The following PTPRU variants were observed in gnomAD, a reference collection of about 807,000 sequenced individuals.
PTPRU encodes protein tyrosine phosphatase receptor type U.
In PTPRU, 69 loss-of-function variants were observed where a neutral mutation model predicts 166.3. The observed-to-expected ratio is 0.41, with a 90% CI of 0.34 to 0.51. The LOEUF is 0.51. PTPRU is among the 20% of genes least tolerant of loss of function. The probability of loss-of-function intolerance (pLI) is 0.09; values close to 1 mark genes in which losing one functional copy is unlikely to be tolerated. For missense variants in PTPRU, 1,657 were observed against 2,013.7 expected (o/e 0.82, Z 3.39); for synonymous variants, 793 against 814.0 (o/e 0.97, Z 0.44).
At chr1:29,323,174 TG>T (rs1688239296) in intron 26 of PTPRU, 196 bp from the exon 27 acceptor site, 1 of 648,596 alleles carries the variant, frequency 1.5e-6, no homozygotes, top group Non-Finnish European at 2.6e-6. Context: ...CAGAACGCAT[TG>T]GGGCAGGTGG....
chr1:29,265,211 C>T (rs1248267133), intron 7 of PTPRU, among the ~76,000 whole-genome samples: 1 of 152,204 alleles, frequency 6.6e-6, no homozygotes, highest in Non-Finnish European at 1.5e-5. Context: ...CTCTCACCAA[C>T]AACGTATGAG....
At chr1:29,240,432 G>T (rs969905229) in intron 1 of PTPRU, among the ~76,000 whole-genome samples, 11 of 152,110 alleles carry the variant, frequency 7.2e-5, no homozygotes, top group Admixed American at 6.5e-4. Flanking sequence ...AAGTTTAAGG[G>T]GGCCAGGTTC....
chr1:29,283,923 C>T lies in PTPRU; in HGVS notation c.2143-17C>T, dbSNP rs1686220216. 6.2e-7 allele frequency: 1 copy of T among 1,614,032 alleles called. No homozygotes were observed. Among genetic ancestry groups the T allele is most frequent in the Middle Eastern group, 1.7e-4 (1 of 6,026 alleles). On this transcript the variant is annotated splice_polypyrimidine_tract_variant and intron_variant, in intron 12 of 29. Transcript: ENST00000373779. ...TCGGGGCTTCAGCAACGCTGAGACC[C>T]CCATCTGTGCCTCCAGGAGACCCGG...
chr1:29,259,600 T>TTTTTTGGGGGGGGGGGGGGGGG, intron 5 of PTPRU, 36 bp downstream of exon 5: 13 of 253,368 alleles, frequency 5.1e-5, no homozygotes, highest in Non-Finnish European at 8.4e-5. Flanking sequence ...GGGGGCGGGG[T>TTTTTTGGGGGGGGGGGGGGGGG]GGGAGGGGGT....
chr1:29,269,223 T>C (rs1365865771), intron 7 of PTPRU, among the ~76,000 whole-genome samples: 11 of 38,808 alleles, frequency 2.8e-4, no homozygotes, highest in African/African-American at 8.3e-4. Context: ...TATATACATA[T>C]ATATATATAT....
At chr1:29,313,914 C>A (rs1687780274) in intron 22 of PTPRU, among the ~76,000 whole-genome samples, 1 of 152,264 alleles carries the variant, frequency 6.6e-6, no homozygotes, top group East Asian at 1.9e-4. Context: ...TTCCCAGAAG[C>A]CCCCTTGAAC....
At chr1:29,267,295 C>T (rs1217669354) in intron 7 of PTPRU, among the ~76,000 whole-genome samples, 1 of 152,166 alleles carries the variant, frequency 6.6e-6, no homozygotes, top group East Asian at 1.9e-4. Context: ...GAAGGGCCAA[C>T]TATGGGACTT....
chr1:29,258,984 G>C (rs1684898056), intron 3 of PTPRU, among the ~76,000 whole-genome samples: 1 of 152,196 alleles, frequency 6.6e-6, no homozygotes, highest in African/African-American at 2.4e-5. Flanking sequence ...CTCTGGCCCA[G>C]GTCAAGGGTG....
At chr1:29,305,237 A>T in intron 17 of PTPRU, 115 bp from the exon 18 acceptor site, 1 of 967,370 alleles carries the variant, frequency 1.0e-6, no homozygotes, top group Non-Finnish European at 1.6e-6. Context: ...CTGAGACTCT[A>T]GGTTCCCTGG....
chr1:29,268,174 A>T (rs1196321152), intron 7 of PTPRU, among the ~76,000 whole-genome samples: 1 of 152,154 alleles, frequency 6.6e-6, no homozygotes, highest in Non-Finnish European at 1.5e-5. Flanking sequence ...TCAAGTGGAG[A>T]TATTCATCAG....
rs1687650725 is a variant in PTPRU, at chr1:29,311,440, C to T, written c.2858-16C>T. ...ACCTTGTCTCAGGGACAGGCACCCT[C>T]TGCCTGCATCCCCAGGGCCGAAGCC... is the stretch of plus-strand genomic sequence containing the variant. On this transcript the variant is annotated splice_polypyrimidine_tract_variant and intron_variant, in intron 19 of 29. Coordinates refer to ENST00000373779, the MANE Select transcript of PTPRU (RefSeq NM_133178.4). The surrounding 1 kb of genome is among the most constrained non-coding windows in gnomAD (Gnocchi z 4.1). 3 of 1,611,806 alleles carry T rather than the reference C, an allele frequency of 1.9e-6. No individual in the cohort carries two copies. Among genetic ancestry groups the T allele is most frequent in the Admixed American group, 1.7e-5 (1 of 60,020 alleles).
intron 15 of PTPRU, among the ~76,000 whole-genome samples, chr1:29,301,058 G>C (rs1041107567): frequency 6.6e-6 from 1 of 152,130 alleles, no homozygotes; most frequent in Non-Finnish European, 1.5e-5. Flanking sequence ...CACAGGGAGT[G>C]GGGGCAGGTT....
Position 29,310,778 on chromosome 1 carries a change from A to C in PTPRU, c.2855A>C (p.Gln952Pro). 6.2e-7 allele frequency: 1 copy of C among 1,613,800 alleles called. No individual in the cohort carries two copies. The highest frequency in any genetic ancestry group is 8.5e-7 in the Non-Finnish European group (1 of 1,179,786). Residue 952 changes from glutamine to proline, a missense_variant and splice_region_variant, in exon 19 of 30, where the codon CAA (glutamine) becomes CCA (proline). Transcript: ENST00000373779. ...AGGTCAAACCACTTCATAGCCACTC[A>C]AGGTACCTGGCACTTCTGCCCACAT... ...YHRSNHFIAT[Q>P]GPKPEMVYDF...
intron 14 of PTPRU, among the ~76,000 whole-genome samples, chr1:29,288,600 G>C (rs189290969): frequency 6.6e-6 from 1 of 152,104 alleles, no homozygotes; most frequent in African/African-American, 2.4e-5. Flanking sequence ...GTGACCTGGG[G>C]CCAAGCTCCT....
chr1:29,293,635 C>G (rs567808129), intron 15 of PTPRU, among the ~76,000 whole-genome samples: 1 of 152,026 alleles, frequency 6.6e-6, no homozygotes, highest in Non-Finnish European at 1.5e-5. Flanking sequence ...CCACTGCGCC[C>G]GGCTAATTTT....
Position 29,323,768 on chromosome 1 carries a change from G to T in PTPRU, c.4092G>T (p.Gly1364=). 1 of 1,614,140 alleles carries T rather than the reference G, an allele frequency of 6.2e-7. No individual in the cohort carries two copies. Among genetic ancestry groups the T allele is most frequent in the Non-Finnish European group, 8.5e-7 (1 of 1,179,988 alleles). ...AGTGGCAGGCCGAGAGTGGGGATGG[G>T]CGCACCATCGTGCACTGCCTGTGAG... ...VDKWQAESGD[G]RTIVHCLNGG... Residue 1364 remains glycine, a synonymous_variant, in exon 28 of 30, where the codon GGG becomes GGT. Transcript: ENST00000373779.
chr1:29,236,773 G>T lies in PTPRU; in HGVS notation c.73+56G>T. On this transcript the variant is annotated intron_variant, in intron 1 of 29. Transcript: ENST00000373779. The surrounding 1 kb of genome is among the most constrained non-coding windows in gnomAD (Gnocchi z 4.6). The stretch of plus-strand genomic sequence containing the variant: ...CCCGCCGAGCCTCGGGGCCCGTGGC[G>T]TAGCTCGGAAGAAAGTGTGAGTGTT... 7.4e-7 allele frequency: 1 copy of T among 1,356,920 alleles called. No individual in the cohort carries two copies. Among genetic ancestry groups the T allele is most frequent in the Middle Eastern group, 1.9e-4 (1 of 5,272 alleles). 84.1% of individuals were successfully genotyped at this position (1,356,920 alleles called of 1,614,324 possible).
intron 1 of PTPRU, among the ~76,000 whole-genome samples, chr1:29,249,284 C>T (rs766166519): frequency 6.6e-6 from 1 of 152,378 alleles, no homozygotes; most frequent in South Asian, 2.1e-4. Context: ...GCAGCTCTGC[C>T]CCTTACATCA....
chr1:29,320,383 C>T lies in PTPRU; in HGVS notation c.3688-302C>T, dbSNP rs907019236. The T allele has an allele frequency of 4.5e-5, 14 of 312,788 alleles. No homozygotes were observed. Among genetic ancestry groups the T allele is most frequent in the Non-Finnish European group, 8.2e-5 (14 of 171,662 alleles). The allele number at this position is 312,788 out of a possible 1,614,324, so 19.4% of individuals were successfully genotyped here. Reference sequence around the variant, plus strand: ...GAAGCGCGGAGGCAGGGAGTAAGCTCGGCCAGCCTCTGCCTTGAGCTCAGC... The same window carrying T: ...GAAGCGCGGAGGCAGGGAGTAAGCTTGGCCAGCCTCTGCCTTGAGCTCAGC... On this transcript the variant is annotated intron_variant, in intron 25 of 29. Transcript: ENST00000373779. This position sits in a 1 kb window ranked among gnomAD's most constrained non-coding sequence, Gnocchi z 5.2.
Sources: gnomAD v4.1 joint callset for allele counts (sites outside exome capture counted in the v4.1 genomes callset) on GRCh38, gnomAD v4.1.1 for gene constraint, Gnocchi (gnomAD v3.1) non-coding constraint, MANE v1.5 for transcripts, NCBI Gene and HGNC (gene_info 2026-07-23, HGNC 2026-07-21) for gene names.